SNTG2: variants seen among roughly 807,000 people sequenced by gnomAD.
The protein encoded by SNTG2 is gamma-2-syntrophin.
SNTG2 carries 74 observed loss-of-function variants against 70.9 expected under a neutral mutation model. That is an observed-to-expected ratio of 1.04 (90% CI 0.86 to 1.27). SNTG2 has a LOEUF of 1.27. Among genes scored for constraint, SNTG2 ranks in the 50% most tolerant of loss-of-function variants. SNTG2 has a pLI of 0.00. For missense variants in SNTG2, 717 were observed against 690.7 expected, an observed-to-expected ratio of 1.04 and a Z score of -0.43; for synonymous variants, 278 against 273.8, an observed-to-expected ratio of 1.02 and a Z score of -0.15.
intron 8 of SNTG2, among the ~76,000 whole-genome samples, chr2:1,182,896 G>C (rs537080611): frequency 6.6e-6 from 1 of 152,084 alleles, no homozygotes. Context: ...GGGGCTATAG[G>C]TGTGCGCTAC....
intron 9 of SNTG2, among the ~76,000 whole-genome samples, chr2:1,221,947 C>T (rs1484207010): frequency 1.8e-5 from 1 of 55,348 alleles, no homozygotes; most frequent in Admixed American, 1.8e-4. Context: ...CTCTGTCTGT[C>T]TCTGTCTCTG....
intron 16 of SNTG2, among the ~76,000 whole-genome samples, chr2:1,347,951 T>C (rs1660381506): frequency 6.6e-6 from 1 of 152,040 alleles, no homozygotes; most frequent in African/African-American, 2.4e-5. Flanking sequence ...AGATTTTGGG[T>C]AAACAACTCA....
chr2:1,041,823 A>C lies in SNTG2; in HGVS notation c.73-41695A>C, dbSNP rs115251108. Among the ~76,000 whole-genome samples, 1,231 of 152,318 alleles carry C rather than the reference A, an allele frequency of 8.1e-3. 13 individuals are homozygous for C. The highest frequency in any genetic ancestry group is 0.017 in the Middle Eastern group (5 of 294). On this transcript the variant is annotated intron_variant, in intron 1 of 16. Transcript: ENST00000308624. Reference sequence around the variant, plus strand: ...TCAGGTATTTCTTTATAGCAAGGCAAGAACAGCCTAACACACTAGCCGTCA... The same window carrying C: ...TCAGGTATTTCTTTATAGCAAGGCACGAACAGCCTAACACACTAGCCGTCA...
chr2:1,291,677 C>T (rs1256511578), intron 14 of SNTG2, among the ~76,000 whole-genome samples: 6 of 152,182 alleles, frequency 3.9e-5, no homozygotes, highest in South Asian at 2.1e-4. Flanking sequence ...TTTCTTTCAT[C>T]GCTCTCTGTT....
At chr2:1,307,883 G>C (rs1680775954) in intron 14 of SNTG2, among the ~76,000 whole-genome samples, 1 of 152,214 alleles carries the variant, frequency 6.6e-6, no homozygotes. Flanking sequence ...GGCACGTGCT[G>C]GTCCGGGCCG....
intron 9 of SNTG2, among the ~76,000 whole-genome samples, chr2:1,229,502 G>A (rs1262110872): frequency 1.3e-5 from 2 of 152,230 alleles, no homozygotes; most frequent in Admixed American, 6.5e-5. Flanking sequence ...GGTTCTCCAA[G>A]TCCCCACCAG....
chr2:1,186,046 C>T (rs1451946175), intron 8 of SNTG2, among the ~76,000 whole-genome samples: 3 of 152,212 alleles, frequency 2.0e-5, no homozygotes, highest in African/African-American at 7.2e-5. Flanking sequence ...AGCCAGGCCC[C>T]ATCTTGAATG....
intron 1 of SNTG2, among the ~76,000 whole-genome samples, chr2:969,081 T>C (rs1660658032): frequency 6.6e-6 from 1 of 152,240 alleles, no homozygotes; most frequent in Non-Finnish European, 1.5e-5. Context: ...CTTCTCCATA[T>C]GGCAAGTCAG....
chr2:1,035,902 A>G (rs1035010249), intron 1 of SNTG2, among the ~76,000 whole-genome samples: 1 of 152,234 alleles, frequency 6.6e-6, no homozygotes, highest in Admixed American at 6.5e-5. Flanking sequence ...AAAATAAACA[A>G]TTACACTGTC....
intron 1 of SNTG2, among the ~76,000 whole-genome samples, chr2:984,049 G>A (rs1381150072): frequency 1.3e-5 from 2 of 152,158 alleles, no homozygotes; most frequent in Non-Finnish European, 2.9e-5. Context: ...AGAGAGGGGC[G>A]GTGGCACCAA....
chr2:1,178,839 C>T (rs1349215597), intron 8 of SNTG2, among the ~76,000 whole-genome samples: 1 of 152,080 alleles, frequency 6.6e-6, no homozygotes, highest in Non-Finnish European at 1.5e-5. Flanking sequence ...GGGAGGATTC[C>T]CTCTTTTTGT....
intron 6 of SNTG2, 56 bp downstream of exon 6, chr2:1,137,865 T>G: frequency 6.8e-7 from 1 of 1,480,612 alleles, no homozygotes; most frequent in South Asian, 1.1e-5. Flanking sequence ...TTTGAATTAT[T>G]TGTCTCTATA....
intron 14 of SNTG2, among the ~76,000 whole-genome samples, chr2:1,278,932 CCT>C (rs562059606): frequency 7.0e-4 from 105 of 150,234 alleles, no homozygotes; most frequent in South Asian, 6.5e-3. Context: ...GCGAATCACC[CCT>C]GTCAGTGCGC....
intron 6 of SNTG2, among the ~76,000 whole-genome samples, chr2:1,157,862 G>T (rs1482553189): frequency 6.6e-6 from 1 of 152,190 alleles, no homozygotes; most frequent in African/African-American, 2.4e-5. Flanking sequence ...GGTTTTGGAA[G>T]GATTCTAAAG....
chr2:1,006,666 A>G (rs1221263555), intron 1 of SNTG2, among the ~76,000 whole-genome samples: 1 of 152,198 alleles, frequency 6.6e-6, no homozygotes, highest in African/African-American at 2.4e-5. Flanking sequence ...CCTAAATAAT[A>G]TATTGTAACA....
chr2:1,257,178 G>GTCCACAATA (rs1678166983), intron 12 of SNTG2, among the ~76,000 whole-genome samples: 1 of 152,072 alleles, frequency 6.6e-6, no homozygotes, highest in South Asian at 2.1e-4. Context: ...ACAGCTCTCA[G>GTCCACAATA]GGTGGCAGCA....
At chr2:958,043 G>A (rs576069495) in intron 1 of SNTG2, among the ~76,000 whole-genome samples, 1 of 152,232 alleles carries the variant, frequency 6.6e-6, no homozygotes, top group South Asian at 2.1e-4. Flanking sequence ...CATCTACTAG[G>A]TACTAAGAGC....
At chr2:1,328,844 T>C (rs1343916352) in intron 16 of SNTG2, among the ~76,000 whole-genome samples, 1 of 151,148 alleles carries the variant, frequency 6.6e-6, no homozygotes, top group African/African-American at 2.4e-5. Context: ...CACATACACA[T>C]ACACACACAG....
chr2:1,021,370 C>G (rs888813532), intron 1 of SNTG2, among the ~76,000 whole-genome samples: 4 of 152,100 alleles, frequency 2.6e-5, no homozygotes, highest in Non-Finnish European at 4.4e-5. Context: ...CTCAAGCACG[C>G]TCTCATAATA....
Sources: allele counts gnomAD v4.1 joint callset (sites outside exome capture counted in the v4.1 genomes callset), GRCh38; gene constraint gnomAD v4.1.1; transcripts MANE v1.5; gene names NCBI Gene and HGNC (gene_info 2026-07-23, HGNC 2026-07-21).